Variants in MAP4K4 observed in about 807,000 individuals in gnomAD.
MAP4K4 encodes HPK/GCK-like kinase HGK.
In MAP4K4, 38 loss-of-function variants were observed where a neutral mutation model predicts 189.6. The observed-to-expected ratio is 0.20, with a 90% CI of 0.15 to 0.26. The LOEUF (loss-of-function observed/expected upper bound fraction) is 0.26. Among genes scored for constraint, MAP4K4 ranks in the 10% least tolerant of loss-of-function variants. The probability of loss-of-function intolerance (pLI) is 1.00; values close to 1 mark genes in which losing one functional copy is unlikely to be tolerated. For missense variants in MAP4K4, 1,054 were observed against 1,726.9 expected (o/e 0.61, Z 6.91); for synonymous variants, 610 against 624.3 (o/e 0.98, Z 0.34).
At chr2:101,854,523 T>C (rs1461031146) in intron 12 of MAP4K4, among the ~76,000 whole-genome samples, 1 of 151,982 alleles carries the variant, frequency 6.6e-6, no homozygotes, top group East Asian at 1.9e-4. Context: ...GGGGGTGTAG[T>C]AGTCAGGTGA....
At chr2:101,874,227 T>C in exon 26 of MAP4K4, 1 of 1,611,098 alleles carries the variant, frequency 6.2e-7, no homozygotes, top group African/African-American at 1.3e-5. Flanking sequence ...GGTTTAACTC[T>C]GAGATTCTGT....
At chr2:101,825,293 C>A (rs769324145) in intron 4 of MAP4K4, 26 bp from the exon 5 acceptor site, 4 of 1,453,106 alleles carry the variant, frequency 2.8e-6, no homozygotes, top group East Asian at 2.3e-5. Flanking sequence ...ATATGTTGCT[C>A]ACCTTGTGTC....
intron 2 of MAP4K4, among the ~76,000 whole-genome samples, chr2:101,759,006 G>T (rs1363387588): frequency 1.3e-5 from 2 of 151,900 alleles, no homozygotes; most frequent in Admixed American, 1.3e-4. Context: ...GGTGGCAGGC[G>T]CCTGTAGTCC....
chr2:101,839,316 T>A (rs571000734), intron 9 of MAP4K4, among the ~76,000 whole-genome samples: 1 of 152,384 alleles, frequency 6.6e-6, no homozygotes, highest in South Asian at 2.1e-4. Context: ...CAGAGGGAAC[T>A]GACAAATCAA....
intron 7 of MAP4K4, among the ~76,000 whole-genome samples, chr2:101,832,969 G>T (rs1051620319): frequency 6.6e-6 from 1 of 152,184 alleles, no homozygotes; most frequent in Non-Finnish European, 1.5e-5. Flanking sequence ...CAAAATCACT[G>T]CTGGGGAGGT....
At chr2:101,755,543 T>A (rs1465013928) in intron 2 of MAP4K4, among the ~76,000 whole-genome samples, 1 of 152,194 alleles carries the variant, frequency 6.6e-6, no homozygotes, top group African/African-American at 2.4e-5. Context: ...CTTACATCTT[T>A]ATGTCTGACA....
chr2:101,894,368 T>C (rs1337491170), exon 33 of MAP4K4: 1 of 152,790 alleles, frequency 6.5e-6, no homozygotes, highest in Non-Finnish European at 1.5e-5. Context: ...CATGTTACGT[T>C]GGAGAAAATG....
intron 2 of MAP4K4, among the ~76,000 whole-genome samples, chr2:101,750,436 C>T (rs1305956314): frequency 6.8e-6 from 1 of 147,092 alleles, no homozygotes; most frequent in Non-Finnish European, 1.5e-5. Context: ...CGCATATTCT[C>T]ACTCATAGGT....
intron 3 of MAP4K4, among the ~76,000 whole-genome samples, chr2:101,797,887 TA>T (rs2093898680): frequency 8.7e-6 from 1 of 114,756 alleles, no homozygotes; most frequent in Non-Finnish European, 1.7e-5. Flanking sequence ...AACATTCTTT[TA>T]GTTTTTTTTT....
intron 9 of MAP4K4, among the ~76,000 whole-genome samples, chr2:101,837,559 A>G (rs1266040905): frequency 6.6e-6 from 1 of 152,264 alleles, no homozygotes; most frequent in African/African-American, 2.4e-5. Flanking sequence ...TTAAGACATA[A>G]TAACTCTGGA....
chr2:101,860,940 A>T, exon 16 of MAP4K4: 1 of 1,604,672 alleles, frequency 6.2e-7, no homozygotes, highest in Non-Finnish European at 8.5e-7. Flanking sequence ...TCCAATGGCA[A>T]CTCCGAGTCT....
chr2:101,867,556 A>C, intron 20 of MAP4K4: 2 of 451,962 alleles, frequency 4.4e-6, no homozygotes, highest in Non-Finnish European at 7.9e-6. Flanking sequence ...CTTGGTGTAC[A>C]GTCAGCCTTA....
At chr2:101,750,567 G>T (rs1167980351) in intron 2 of MAP4K4, among the ~76,000 whole-genome samples, 1 of 150,354 alleles carries the variant, frequency 6.7e-6, no homozygotes, top group African/African-American at 2.5e-5. Flanking sequence ...GCTAGATGAC[G>T]AGTTAGTGGG....
intron 2 of MAP4K4, among the ~76,000 whole-genome samples, chr2:101,735,862 C>T (rs776516130): frequency 4.6e-5 from 7 of 152,060 alleles, no homozygotes; most frequent in Non-Finnish European, 8.8e-5. Context: ...GTGATGGGGA[C>T]GCAGAAGTCT....
intron 2 of MAP4K4, among the ~76,000 whole-genome samples, chr2:101,759,523 C>T (rs1323067032): frequency 2.2e-5 from 1 of 45,884 alleles, no homozygotes; most frequent in East Asian, 9.1e-4. Context: ...CTCCCCATTC[C>T]CCTCCCCTCC....
In MAP4K4 at chr2:101,704,565, A is replaced by ATTTTTTTTTT. The variant is rs1559014076; in HGVS notation, c.123+6028_123+6029insTTTTTTTTTT. 7.9e-4 allele frequency among the ~76,000 whole-genome samples: 32 copies of ATTTTTTTTTT among 40,350 alleles called. 1 individual carries two copies. The highest frequency in any genetic ancestry group is 3.8e-3 in the African/African-American group (19 of 4,950). The allele number at this position is 40,350 out of a possible 152,430, so 26.5% of individuals were successfully genotyped here. A position where few individuals can be genotyped will look rare whatever the true frequency, so the allele number is the denominator to read the frequency against. On this transcript the variant is annotated intron_variant, in intron 2 of 32. Coordinates refer to ENST00000324219, the Ensembl canonical transcript of MAP4K4. ...TGTATATATATATATATATATATAT[A>ATTTTTTTTTT]TATTTTTTTTTTTTTTTTTTTTTTT...
intron 2 of MAP4K4, among the ~76,000 whole-genome samples, chr2:101,741,464 G>A (rs548206435): frequency 6.6e-6 from 1 of 152,100 alleles, no homozygotes; most frequent in Non-Finnish European, 1.5e-5. Flanking sequence ...CACCGCACCC[G>A]GCCAGTAGTA....
intron 3 of MAP4K4, among the ~76,000 whole-genome samples, chr2:101,820,612 A>G (rs1010840832): frequency 6.6e-6 from 1 of 152,134 alleles, no homozygotes; most frequent in African/African-American, 2.4e-5. Context: ...CATGGACCTT[A>G]TTTTGGGAGT....
intron 2 of MAP4K4, among the ~76,000 whole-genome samples, chr2:101,762,450 A>C (rs1245219304): frequency 6.6e-6 from 1 of 152,096 alleles, no homozygotes; most frequent in Non-Finnish European, 1.5e-5. Flanking sequence ...ACACCAGAGG[A>C]GTTTTCAAAG....
Sources: gnomAD v4.1 joint callset for allele counts (sites outside exome capture counted in the v4.1 genomes callset) on GRCh38, gnomAD v4.1.1 for gene constraint, MANE v1.5 for transcripts, NCBI Gene and HGNC (gene_info 2026-07-23, HGNC 2026-07-21) for gene names.